The following CDH13 variants were observed in gnomAD, a reference collection of about 807,000 sequenced individuals.
The protein encoded by CDH13 is cadherin 13.
CDH13 carries 24 observed loss-of-function variants against 63.8 expected under a neutral mutation model. That is an observed-to-expected ratio of 0.38 (90% CI 0.27 to 0.53). The LOEUF (loss-of-function observed/expected upper bound fraction) is 0.53, where lower values mean the gene tolerates loss of function less well. Among genes scored for constraint, CDH13 ranks in the 20% least tolerant of loss-of-function variants. CDH13 has a pLI of 0.85. For synonymous variants in CDH13, 503 were observed against 355.3 expected (o/e 1.42, Z -4.67); for missense variants, 1,049 against 903.1 (o/e 1.16, Z -2.07).
intron 2 of CDH13, among the ~76,000 whole-genome samples, chr16:82,960,556 CA>C (rs1906814225): frequency 6.6e-6 from 1 of 152,140 alleles, no homozygotes; most frequent in Non-Finnish European, 1.5e-5. Flanking sequence ...TAGTCACAGG[CA>C]AAAGCTATCC....
Position 83,377,753 on chromosome 16 carries a change from G to T in CDH13, c.781+32747G>T, listed in dbSNP as rs190548634. ...CTGTAACCAGAAACCCATGTTTTGGGAGTCAATAGAATAGATCAGAGCAAA... is the reference window on the plus strand; with the variant it reads ...CTGTAACCAGAAACCCATGTTTTGGTAGTCAATAGAATAGATCAGAGCAAA... On this transcript the variant is annotated intron_variant, in intron 6 of 13. Transcript: ENST00000567109. 6.6e-5 allele frequency among the ~76,000 whole-genome samples: 10 copies of T among 152,244 alleles called. No individual in the cohort carries two copies. The East Asian group carries it at 1.7e-3, about 27-fold the overall frequency.
chr16:83,225,954 T>C (rs1290052490), intron 5 of CDH13, among the ~76,000 whole-genome samples: 1 of 152,212 alleles, frequency 6.6e-6, no homozygotes, highest in East Asian at 1.9e-4. Flanking sequence ...GTCAAAGATC[T>C]CATTTCTCCC....
rs116575685 is a variant in CDH13, at chr16:83,075,033, G to A, written c.366+42815G>A. ...CATAGGGGATCCTCAGCCAATGAGG[G>A]GTAAGATCTGTAGATAAACATCCTT... On this transcript the variant is annotated intron_variant, in intron 3 of 13. Coordinates refer to ENST00000567109, the MANE Select transcript of CDH13 (RefSeq NM_001257.5). Among the ~76,000 whole-genome samples the A allele has an allele frequency of 1.8e-3, 277 of 152,266 alleles. 1 individual carries two copies. Among genetic ancestry groups the A allele is most frequent in the African/African-American group, 6.5e-3 (270 of 41,546 alleles).
intron 1 of CDH13, among the ~76,000 whole-genome samples, chr16:82,813,921 G>T (rs1337385535): frequency 6.6e-6 from 1 of 152,102 alleles, no homozygotes; most frequent in Non-Finnish European, 1.5e-5. Flanking sequence ...TATCATCCAT[G>T]CAATAGGGAT....
At chr16:83,753,843 G>T (rs1261927323) in intron 11 of CDH13, among the ~76,000 whole-genome samples, 1 of 151,770 alleles carries the variant, frequency 6.6e-6, no homozygotes, top group Non-Finnish European at 1.5e-5. Flanking sequence ...ATAAAAATCA[G>T]ATAATATAAA....
At chr16:83,747,531 T>C (rs553878659) in intron 10 of CDH13, among the ~76,000 whole-genome samples, 1 of 152,118 alleles carries the variant, frequency 6.6e-6, no homozygotes, top group East Asian at 1.9e-4. Context: ...TTATCAACAG[T>C]GTGAAGATGG....
intron 6 of CDH13, among the ~76,000 whole-genome samples, chr16:83,416,424 G>A (rs74249526): frequency 0.039 from 5,939 of 152,250 alleles, 122 homozygotes; most frequent in Middle Eastern, 0.061. Context: ...TCATGACCCT[G>A]TCCTCAGCAG....
chr16:82,857,346 A>T (rs868658974), intron 1 of CDH13, among the ~76,000 whole-genome samples: 1 of 152,182 alleles, frequency 6.6e-6, no homozygotes, highest in Non-Finnish European at 1.5e-5. Flanking sequence ...GGTAGCTTTC[A>T]TTTGTTAAGT....
chr16:82,976,905 G>A lies in CDH13; in HGVS notation c.158-55105G>A, dbSNP rs375148276. On this transcript the variant is annotated intron_variant, in intron 2 of 13. Transcript: ENST00000567109. ...GAAGGGGATGATGACATCTTCTCCA[G>A]TTGACAAAAGACAATGGCTTGTTCT... Among the ~76,000 whole-genome samples, 13 of 152,282 alleles carry A rather than the reference G, an allele frequency of 8.5e-5. No individual in the cohort carries two copies. In the East Asian group the frequency reaches 1.5e-3, roughly 18 times the overall value.
chr16:83,428,092 A>G (rs1215144695), intron 6 of CDH13, among the ~76,000 whole-genome samples: 1 of 152,212 alleles, frequency 6.6e-6, no homozygotes, highest in African/African-American at 2.4e-5. Flanking sequence ...TATGTTCATA[A>G]GTTGGGGCGA....
intron 6 of CDH13, among the ~76,000 whole-genome samples, chr16:83,398,444 G>C (rs2091919342): frequency 1.3e-5 from 2 of 152,060 alleles, no homozygotes; most frequent in Admixed American, 6.6e-5. Context: ...CTGTTACAAA[G>C]ACATTTGCTA....
intron 8 of CDH13, among the ~76,000 whole-genome samples, chr16:83,623,103 G>C (rs1398847807): frequency 6.6e-6 from 1 of 152,166 alleles, no homozygotes; most frequent in Non-Finnish European, 1.5e-5. Context: ...AGTAAGAAGG[G>C]GTGGTACAAG....
At chr16:82,922,481 A>G (rs2042185598) in intron 2 of CDH13, among the ~76,000 whole-genome samples, 2 of 152,188 alleles carry the variant, frequency 1.3e-5, no homozygotes, top group South Asian at 4.1e-4. Context: ...CCCATCCTAG[A>G]ACACAGACTC....
At chr16:82,677,127 C>T (rs1914018524) in intron 1 of CDH13, among the ~76,000 whole-genome samples, 1 of 152,196 alleles carries the variant, frequency 6.6e-6, no homozygotes, top group Non-Finnish European at 1.5e-5. Flanking sequence ...CATGATCCAC[C>T]CTCCTTGGCC....
chr16:83,429,369 C>T (rs977763643), intron 6 of CDH13, among the ~76,000 whole-genome samples: 1 of 152,146 alleles, frequency 6.6e-6, no homozygotes, highest in African/African-American at 2.4e-5. Context: ...GAAACCTCTC[C>T]TTTGATGACC....
chr16:82,916,731 A>G (rs2151274018), intron 2 of CDH13, among the ~76,000 whole-genome samples: 1 of 152,320 alleles, frequency 6.6e-6, no homozygotes, highest in South Asian at 2.1e-4. Flanking sequence ...CAATATTTTT[A>G]TGTTTGTTAA....
At chr16:83,039,992 C>G (rs898540106) in intron 3 of CDH13, among the ~76,000 whole-genome samples, 1 of 151,758 alleles carries the variant, frequency 6.6e-6, no homozygotes, top group Non-Finnish European at 1.5e-5. Flanking sequence ...CTGCCTGGCT[C>G]TCTCTACTCA....
chr16:83,275,447 A>G (rs1047355777), intron 5 of CDH13, among the ~76,000 whole-genome samples: 2 of 152,196 alleles, frequency 1.3e-5, no homozygotes, highest in Non-Finnish European at 2.9e-5. Flanking sequence ...CTTTCAGAGT[A>G]AAGAAGACAG....
At chr16:83,253,100 C>G (rs935090020) in intron 5 of CDH13, among the ~76,000 whole-genome samples, 2 of 152,164 alleles carry the variant, frequency 1.3e-5, no homozygotes, top group African/African-American at 2.4e-5. Context: ...TCTTACTAAT[C>G]TGGTGGTGGT....
Sources: allele counts gnomAD v4.1 joint callset (sites outside exome capture counted in the v4.1 genomes callset), GRCh38; gene constraint gnomAD v4.1.1; transcripts MANE v1.5; gene names NCBI Gene and HGNC (gene_info 2026-07-23, HGNC 2026-07-21).